The following ZNF106 variants were observed in gnomAD, a reference collection of about 807,000 sequenced individuals.
The protein encoded by ZNF106 is SH3-domain binding protein 3.
Under a neutral mutation model 195.1 loss-of-function variants are expected in ZNF106, and 67 were observed. That is an observed-to-expected ratio of 0.34 (90% confidence interval 0.28 to 0.42). ZNF106 has a LOEUF of 0.42. Among genes scored for constraint, ZNF106 ranks in the 10% least tolerant of loss-of-function variants. The pLI, the probability that ZNF106 is intolerant of heterozygous loss-of-function variation, is 1.00. For synonymous variants in ZNF106, 784 were observed against 818.6 expected (o/e 0.96, Z 0.72); for missense variants, 2,118 against 2,304.5 (o/e 0.92, Z 1.66).
chr15:42,457,467 G>T (rs907912243), intron 3 of ZNF106: 1 of 1,235,662 alleles, frequency 8.1e-7, no homozygotes, highest in Admixed American at 4.1e-5. Flanking sequence ...GAAAGGGGAG[G>T]CAGGGCAGGG....
rs542053019 is a variant in ZNF106, at chr15:42,432,881, T to A, written c.4881+2503A>T. ...GCCAGGGTGACAGGCCAAGACCTTG[T>A]CTCAAAAATAAAAGTGTGTCTCTTG... On this transcript the variant is annotated intron_variant, in intron 14 of 21. Coordinates refer to ENST00000564754, the MANE Select transcript of ZNF106 (RefSeq NM_001366845.3). Among the ~76,000 whole-genome samples the A allele has an allele frequency of 2.0e-5, 3 of 152,212 alleles. No homozygotes were observed. The South Asian group carries it at 6.2e-4, about 32-fold the overall frequency.
chr15:42,488,937 G>A (rs2057073805), intron 1 of ZNF106, among the ~76,000 whole-genome samples: 1 of 151,672 alleles, frequency 6.6e-6, no homozygotes, highest in Admixed American at 6.6e-5. Context: ...CGTTAGCCAG[G>A]CATGGTGGTG....
chr15:42,456,250 TACG>T (rs2056222125), intron 4 of ZNF106, among the ~76,000 whole-genome samples: 1 of 152,230 alleles, frequency 6.6e-6, no homozygotes, highest in Non-Finnish European at 1.5e-5. Context: ...ATTTTGGCGA[TACG>T]ACTATACTAT....
chr15:42,428,124 C>G lies in ZNF106; in HGVS notation c.4892G>C (p.Cys1631Ser), dbSNP rs145737994. Residue 1631 changes from cysteine (C) to serine (S), a missense_variant, in exon 15 of 22, where the codon TGT becomes TCT. Transcript: ENST00000564754. ...IRCYNVKSRE[C>S]VEQLQLEDRV... ...GTCTTCCAGCTGTAACTGCTCCACA[C>G]ACTCTCGGCTCTGATAAAAGCACAC... is the stretch of plus-strand genomic sequence containing the variant. The G allele has an allele frequency of 3.5e-5, 57 of 1,613,870 alleles. No individual in the cohort carries two copies. Among genetic ancestry groups the G allele is most frequent in the African/African-American group, 1.3e-5 (1 of 74,928 alleles).
At chr15:42,421,187 AC>A (rs1323502856) in intron 19 of ZNF106, 55 bp from the exon 20 acceptor site, 1 of 1,515,304 alleles carries the variant, frequency 6.6e-7, no homozygotes, top group East Asian at 2.3e-5. Context: ...ACTACAAAAC[AC>A]CCTCAAAACA....
chr15:42,443,898 G>C (rs1353812412), intron 9 of ZNF106, among the ~76,000 whole-genome samples: 1 of 152,004 alleles, frequency 6.6e-6, no homozygotes, highest in Non-Finnish European at 1.5e-5. Context: ...CCTGAGGTCA[G>C]GAGTTCGAGA....
chr15:42,457,601 G>A (rs1567022635), intron 3 of ZNF106: 1 of 952,270 alleles, frequency 1.1e-6, no homozygotes, highest in Non-Finnish European at 1.3e-6. Context: ...AAGTTAAGGG[G>A]TGGAAACAAG....
At chr15:42,481,379 A>G in intron 1 of ZNF106, among the ~76,000 whole-genome samples, 1 of 126,394 alleles carries the variant, frequency 7.9e-6, no homozygotes. Context: ...TTTTTTTGAG[A>G]CAGAGTCTTG....
chr15:42,456,924 T>C (rs774974101), intron 4 of ZNF106, 34 bp downstream of exon 4: 90 of 1,581,132 alleles, frequency 5.7e-5, no homozygotes, highest in African/African-American at 1.2e-4. Flanking sequence ...TGTTCTGTTA[T>C]AGATAGGCTT....
chr15:42,489,668 G>C (rs1395597079), intron 1 of ZNF106, among the ~76,000 whole-genome samples: 1 of 152,146 alleles, frequency 6.6e-6, no homozygotes, highest in Non-Finnish European at 1.5e-5. Context: ...CCAAACTTGA[G>C]AACGGGGCTT....
intron 1 of ZNF106, among the ~76,000 whole-genome samples, chr15:42,477,551 C>T (rs1235476725): frequency 6.6e-6 from 1 of 152,258 alleles, no homozygotes. Context: ...CAAGACTAGG[C>T]TGATCAACAC....
In ZNF106 at chr15:42,450,162, C is replaced by T. The variant is rs746103163; in HGVS notation, c.2110G>A (p.Asp704Asn). 11 of 1,614,184 alleles carry T rather than the reference C, an allele frequency of 6.8e-6. No individual in the cohort carries two copies. The South Asian group carries it at 1.2e-4, about 18-fold the overall frequency. ...KTSLEDAQVD[D>N]SIKSHVSYET... The stretch of plus-strand genomic sequence containing the variant: ...TAAGATACATGAGATTTAATAGAGT[C>T]ATCAACCTGTGCATCTTCTAGAGAG... The change falls in exon 5 of 22, where the codon GAC becomes AAC. Residue 704 changes from aspartate to asparagine, a missense_variant. By Grantham distance (23) the Asp-to-Asn change is conservative. Transcript: ENST00000564754.
Position 42,443,335 on chromosome 15 carries a change from T to C in ZNF106, c.3421+867A>G, listed in dbSNP as rs143926864. On this transcript the variant is annotated intron_variant, in intron 9 of 21. Transcript: ENST00000564754. Reference sequence around the variant, plus strand: ...GATGCACAGTTTACAGACCTTTCTATAGAAGGAAGAAACTGGCCAGGCGTG... The same window carrying C: ...GATGCACAGTTTACAGACCTTTCTACAGAAGGAAGAAACTGGCCAGGCGTG... 2.6e-3 allele frequency among the ~76,000 whole-genome samples: 390 copies of C among 152,174 alleles called. 1 individual carries two copies. Among genetic ancestry groups the C allele is most frequent in the African/African-American group, 9.0e-3 (372 of 41,514 alleles).
intron 1 of ZNF106, among the ~76,000 whole-genome samples, chr15:42,475,352 G>GA (rs2056762635): frequency 6.6e-6 from 1 of 152,290 alleles, no homozygotes; most frequent in African/African-American, 2.4e-5. Context: ...TGAGGCAGGA[G>GA]AATCGCTTGA....
chr15:42,478,150 A>G (rs949902851), intron 1 of ZNF106, among the ~76,000 whole-genome samples: 5 of 151,860 alleles, frequency 3.3e-5, no homozygotes, highest in Admixed American at 1.3e-4. Flanking sequence ...TAACAAACCA[A>G]TATTGATACA....
chr15:42,466,622 A>C (rs2056522440), intron 2 of ZNF106, among the ~76,000 whole-genome samples: 1 of 152,250 alleles, frequency 6.6e-6, no homozygotes, highest in African/African-American at 2.4e-5. Flanking sequence ...AATTCTAGAT[A>C]GGAGTTACAA....
chr15:42,474,188 G>A (rs1200748564), intron 1 of ZNF106, among the ~76,000 whole-genome samples: 2 of 152,112 alleles, frequency 1.3e-5, no homozygotes, highest in Non-Finnish European at 2.9e-5. Context: ...TTTAAGCCAG[G>A]AAATTTTGGA....
chr15:42,445,473 T>C (rs898969292), intron 7 of ZNF106, among the ~76,000 whole-genome samples: 5 of 152,200 alleles, frequency 3.3e-5, no homozygotes, highest in African/African-American at 1.2e-4. Context: ...AAATAGTACA[T>C]TTAACTTAGT....
intron 1 of ZNF106, among the ~76,000 whole-genome samples, chr15:42,481,183 C>T (rs2056891249): frequency 6.6e-6 from 1 of 151,906 alleles, no homozygotes; most frequent in Admixed American, 6.6e-5. Context: ...AATATCTACC[C>T]AGATATTTAC....
Sources: allele counts gnomAD v4.1 joint callset (sites outside exome capture counted in the v4.1 genomes callset), GRCh38; gene constraint gnomAD v4.1.1; transcripts MANE v1.5; gene names NCBI Gene and HGNC (gene_info 2026-07-23, HGNC 2026-07-21).